TBCEL: variants seen among roughly 807,000 people sequenced by gnomAD.
The protein encoded by TBCEL is tubulin folding cofactor E like, also known as tubulin-specific chaperone cofactor E-like protein.
In TBCEL, 15 loss-of-function variants were observed where a neutral mutation model predicts 44.2. The ratio of observed to expected loss-of-function variants is 0.34; its 90% confidence interval spans 0.23 to 0.52. The LOEUF is 0.52. Ranked by LOEUF, TBCEL falls within the 20% of genes least tolerant of loss-of-function variation. The probability of loss-of-function intolerance (pLI) is 0.95; values close to 1 mark genes in which losing one functional copy is unlikely to be tolerated. For missense variants in TBCEL, 319 were observed against 506.3 expected (o/e 0.63, Z 3.55); for synonymous variants, 171 against 185.4 (o/e 0.92, Z 0.63).
chr11:121,047,639 C>T lies in TBCEL; in HGVS notation c.245C>T (p.Ser82Phe). 6.2e-7 allele frequency: 1 copy of T among 1,612,572 alleles called. No homozygotes were observed. The highest frequency in any genetic ancestry group is 8.5e-7 in the Non-Finnish European group (1 of 1,179,116). The change falls in exon 4 of 9, where the codon TCT (serine) becomes TTT (phenylalanine). Residue 82 changes from serine to phenylalanine, a missense_variant. By Grantham distance (155) the Ser-to-Phe change is radical. Coordinates refer to ENST00000683345, the MANE Select transcript of TBCEL (RefSeq NM_001363644.2). ...GCTCATGTGTCGGAACTAGATCTTT[C>T]TGACAACAAACTCGAAGACTGGCAT... ...FCAHVSELDLSDNKLEDWHEV... is the reference protein window; with the variant it reads ...FCAHVSELDLFDNKLEDWHEV...
intron 8 of TBCEL, among the ~76,000 whole-genome samples, chr11:121,079,541 C>T (rs1040367137): frequency 6.6e-6 from 1 of 152,134 alleles, no homozygotes; most frequent in Non-Finnish European, 1.5e-5. Flanking sequence ...ATTTTTACAT[C>T]TGTAAATTAT....
intron 6 of TBCEL, chr11:121,057,529 A>G (rs1340436895): frequency 1.4e-5 from 6 of 436,328 alleles, no homozygotes; most frequent in Non-Finnish European, 2.7e-5. Context: ...CTGTCACCAA[A>G]TTGATAATAC....
chr11:121,041,127 A>G (rs1243915099), intron 2 of TBCEL, among the ~76,000 whole-genome samples: 1 of 152,202 alleles, frequency 6.6e-6, no homozygotes, highest in Admixed American at 6.5e-5. Flanking sequence ...TTATTATACA[A>G]AAGGATCTAT....
chr11:121,066,410 A>G (rs1370096469), intron 8 of TBCEL, among the ~76,000 whole-genome samples: 2 of 152,228 alleles, frequency 1.3e-5, no homozygotes, highest in African/African-American at 2.4e-5. Context: ...TTCAGTTTGT[A>G]TAGTAGGAAG....
intron 1 of TBCEL, among the ~76,000 whole-genome samples, chr11:121,031,662 C>CTTTTTTTTTTTT (rs1159376351): frequency 7.5e-4 from 76 of 101,840 alleles, no homozygotes; most frequent in African/African-American, 9.2e-4. Context: ...TTTTTTCTTT[C>CTTTTTTTTTTTT]TTTTTTTTTT....
At chr11:121,049,582 A>G (rs984848881) in intron 4 of TBCEL, among the ~76,000 whole-genome samples, 1 of 151,850 alleles carries the variant, frequency 6.6e-6, no homozygotes, top group Non-Finnish European at 1.5e-5. Flanking sequence ...ACTTATCTGA[A>G]CAACTTGTAT....
intron 1 of TBCEL, among the ~76,000 whole-genome samples, chr11:121,034,797 G>A (rs986650300): frequency 1.3e-5 from 2 of 152,180 alleles, no homozygotes; most frequent in African/African-American, 4.8e-5. Flanking sequence ...CGCCCACTGA[G>A]TATTTCAGGC....
chr11:121,046,869 C>T (rs1288279331), intron 3 of TBCEL, among the ~76,000 whole-genome samples: 2 of 152,050 alleles, frequency 1.3e-5, no homozygotes, highest in East Asian at 1.9e-4. Flanking sequence ...GACTGAAACA[C>T]TTTCTTCCAT....
At chr11:121,027,188 A>G (rs989209428) in intron 1 of TBCEL, among the ~76,000 whole-genome samples, 1 of 152,222 alleles carries the variant, frequency 6.6e-6, no homozygotes, top group Admixed American at 6.5e-5. Flanking sequence ...ATAAGAAGTA[A>G]TGTGAAACTG....
chr11:121,063,897 C>CA (rs1301194583), intron 8 of TBCEL, among the ~76,000 whole-genome samples: 1 of 151,928 alleles, frequency 6.6e-6, no homozygotes, highest in Non-Finnish European at 1.5e-5. Context: ...TACTTTTTAC[C>CA]ACTAGTCCTG....
Position 121,087,003 on chromosome 11 carries a change from T to C in TBCEL, c.1182T>C (p.Phe394=), listed in dbSNP as rs559361967. ...ACTATTTTGACCATGAAGCACCCTT[T>C]GGCCCAGAGGAAATGAAGTACAGCT... ...LLYYFDHEAP[F]GPEEMKYSSR... is the part of the protein sequence containing the mutation. The change falls in exon 9 of 9, where the codon TTT becomes TTC. Residue 394 remains phenylalanine, a synonymous_variant. Transcript: ENST00000683345. The C allele has an allele frequency of 3.0e-5, 48 of 1,614,142 alleles. No individual in the cohort carries two copies. In the Admixed American group the frequency reaches 5.3e-4, roughly 18 times the overall value.
At chr11:121,068,160 C>G (rs954637992) in intron 8 of TBCEL, among the ~76,000 whole-genome samples, 1 of 152,210 alleles carries the variant, frequency 6.6e-6, no homozygotes, top group African/African-American at 2.4e-5. Context: ...CGCTTTCCAG[C>G]TGCCTGCTTG....
intron 2 of TBCEL, among the ~76,000 whole-genome samples, chr11:121,039,772 C>T (rs1945298741): frequency 6.6e-6 from 1 of 152,182 alleles, no homozygotes; most frequent in Non-Finnish European, 1.5e-5. Context: ...TGTCATCTGA[C>T]CCAAGGAACC....
chr11:121,044,190 G>C (rs1269185627), intron 2 of TBCEL, among the ~76,000 whole-genome samples: 1 of 152,078 alleles, frequency 6.6e-6, no homozygotes, highest in Non-Finnish European at 1.5e-5. Context: ...TCTCTCTGCT[G>C]TATTTTTGCA....
At chr11:121,056,028 A>G (rs922862330) in intron 6 of TBCEL, among the ~76,000 whole-genome samples, 4 of 151,642 alleles carry the variant, frequency 2.6e-5, no homozygotes, top group African/African-American at 9.7e-5. Flanking sequence ...AGGGTTCACT[A>G]TTGGTGGTGT....
At chr11:121,047,706 C>T (rs1392864836) in intron 4 of TBCEL, 39 bp downstream of exon 4, 4 of 1,605,652 alleles carry the variant, frequency 2.5e-6, no homozygotes, top group South Asian at 2.2e-5. Flanking sequence ...TGAAAAGCAG[C>T]AATAACCATT....
intron 1 of TBCEL, chr11:121,035,939 A>G (rs1788814377): frequency 6.6e-6 from 1 of 152,100 alleles, no homozygotes; most frequent in Non-Finnish European, 1.5e-5. Context: ...GATTTCATAC[A>G]TTTTTGTAAG....
In TBCEL at chr11:121,088,427, A is replaced by C. The variant is rs1946248396; in HGVS notation, c.*1331A>C. Reference sequence around the variant, plus strand: ...AAAGCTAGTTCCTTACCTGCTTGGAAATCTTTTTGTTTGTTCTTCTATTCC... The same window carrying C: ...AAAGCTAGTTCCTTACCTGCTTGGACATCTTTTTGTTTGTTCTTCTATTCC... On this transcript the variant is annotated 3_prime_UTR_variant, in exon 9 of 9. Transcript: ENST00000683345. 6.6e-6 allele frequency: 1 copy of C among 152,102 alleles called. No homozygotes were observed. Among genetic ancestry groups the C allele is most frequent in the African/African-American group, 2.4e-5 (1 of 41,414 alleles). The allele number at this position is 152,102 out of a possible 1,614,324, so 9.4% of individuals were successfully genotyped here.
At chr11:121,035,110 C>G (rs976027830) in intron 1 of TBCEL, 1 of 152,150 alleles carries the variant, frequency 6.6e-6, no homozygotes, top group Non-Finnish European at 1.5e-5. Context: ...GCCATGTTCA[C>G]TAAGTGATGA....
Sources: allele counts gnomAD v4.1 joint callset (sites outside exome capture counted in the v4.1 genomes callset), GRCh38; gene constraint gnomAD v4.1.1; transcripts MANE v1.5; gene names NCBI Gene and HGNC (gene_info 2026-07-23, HGNC 2026-07-21).